LAMA3: variants seen among roughly 807,000 people sequenced by gnomAD.
The protein encoded by LAMA3 is laminin subunit alpha-3.
A neutral mutation model predicts 402.0 loss-of-function variants in LAMA3; 281 were observed. The ratio of observed to expected loss-of-function variants is 0.70; its 90% CI spans 0.63 to 0.77. LAMA3 has a LOEUF of 0.77. Among genes scored for constraint, LAMA3 ranks in the 30% least tolerant of loss-of-function variants. The probability of loss-of-function intolerance (pLI) is 0.00; values close to 1 mark genes in which losing one functional copy is unlikely to be tolerated. For synonymous variants in LAMA3, 1,431 were observed against 1,558.4 expected (o/e 0.92, Z 1.93); for missense variants, 3,840 against 4,215.5 (o/e 0.91, Z 2.47).
chr18:23,772,044 CTTTT>C (rs35056110), intron 8 of LAMA3, among the ~76,000 whole-genome samples: 10 of 141,200 alleles, frequency 7.1e-5, no homozygotes, highest in African/African-American at 2.6e-4. Context: ...TGATCGAAGT[CTTTT>C]TTTTTTTTTT....
At chr18:23,934,343 T>C (rs1378503491) in intron 67 of LAMA3, among the ~76,000 whole-genome samples, 1 of 152,164 alleles carries the variant, frequency 6.6e-6, no homozygotes, top group African/African-American at 2.4e-5. Context: ...TACCCTTGAC[T>C]ACAGACTAGA....
intron 18 of LAMA3, among the ~76,000 whole-genome samples, chr18:23,819,039 T>C (rs1453788654): frequency 2.6e-5 from 4 of 152,232 alleles, no homozygotes; most frequent in Non-Finnish European, 5.9e-5. Context: ...CTTTGTAAAT[T>C]GCTTCCAGAA....
At chr18:23,902,935 T>C (rs1599047671) in intron 48 of LAMA3, 74 bp from the exon 49 acceptor site, 1 of 839,234 alleles carries the variant, frequency 1.2e-6, no homozygotes, top group African/African-American at 1.7e-5. Context: ...GTATATGCTA[T>C]TGTCCCATAA....
Position 23,907,777 on chromosome 18 carries a change from G to C in LAMA3, c.6857G>C (p.Ser2286Thr), listed in dbSNP as rs868360212. The change falls in exon 54 of 75, where the codon AGT (serine) becomes ACT (threonine). Residue 2286 changes from serine to threonine, a missense_variant. This residue lies in a region of LAMA3 where 891 missense variants were observed against 857.5 expected (regional missense o/e 1.04). Coordinates refer to ENST00000313654, the MANE Select transcript of LAMA3 (RefSeq NM_198129.4). Reference protein sequence around the residue: ...IQRGDIDAMISSAKSMVRKAN... With the variant: ...IQRGDIDAMITSAKSMVRKAN... Reference sequence around the variant, plus strand: ...TTAGGTGATATTGATGCTATGATCAGTAGTGCAAAGAGCATGGTCAGAAAG... The same window carrying C: ...TTAGGTGATATTGATGCTATGATCACTAGTGCAAAGAGCATGGTCAGAAAG... 1 of 1,614,174 alleles carries C rather than the reference G, an allele frequency of 6.2e-7. No individual in the cohort carries two copies. The highest frequency in any genetic ancestry group is 1.6e-4 in the Middle Eastern group (1 of 6,062).
intron 41 of LAMA3, among the ~76,000 whole-genome samples, chr18:23,889,663 GA>G (rs1212483056): frequency 8.7e-6 from 1 of 114,534 alleles, no homozygotes; most frequent in African/African-American, 3.2e-5. Context: ...AGGGAGGAGG[GA>G]GGGGGGAGGG....
At position 23,901,252 on chromosome 18, in the gene LAMA3, G is replaced by A; in HGVS notation, c.6130G>A (p.Glu2044Lys). 2 of 1,614,120 alleles carry A rather than the reference G, an allele frequency of 1.2e-6. No individual in the cohort carries two copies. Among genetic ancestry groups the A allele is most frequent in the Non-Finnish European group, 1.7e-6 (2 of 1,180,000 alleles). ...CAGTGACCTTCGTGCTCGGCTGCAG[G>A]AGGCAGCTGCCCAAGCCAAGCAGGC... Reference protein sequence around the residue: ...KLSDLRARLQEAAAQAKQANG... With the variant: ...KLSDLRARLQKAAAQAKQANG... The change falls in exon 48 of 75, where the codon GAG becomes AAG. Residue 2044 changes from glutamate (E) to lysine (K), a missense_variant. Physicochemically the swap from Glu to Lys is moderately conservative, Grantham distance 56 (BLOSUM62 1). Transcript: ENST00000313654.
chr18:23,768,569 A>G (rs772810242), intron 8 of LAMA3, among the ~76,000 whole-genome samples: 5 of 152,254 alleles, frequency 3.3e-5, no homozygotes, highest in Non-Finnish European at 5.9e-5. Flanking sequence ...TTTAGCCACT[A>G]TGGAAAGCAG....
rs1422722010 is a variant in LAMA3, at chr18:23,949,831, A to T, written c.9418A>T (p.Thr3140Ser). 1 of 1,613,434 alleles carries T rather than the reference A, an allele frequency of 6.2e-7. No individual in the cohort carries two copies. Among genetic ancestry groups the T allele is most frequent in the Non-Finnish European group, 8.5e-7 (1 of 1,179,886 alleles). ...TCAGCTGGATTCAAAACCCTTGTAT[A>T]CCCCTTCTTCAAGCTTCGGGGTGTC... ...NFQLDSKPLYTPSSSFGVSSC... is the reference protein window; with the variant it reads ...NFQLDSKPLYSPSSSFGVSSC... Residue 3140 changes from threonine to serine, a missense_variant, in exon 71 of 75, where the codon ACC becomes TCC. Physicochemically the swap from Thr to Ser is moderately conservative, Grantham distance 58. Around this residue, in one of 3 missense-constraint regions of LAMA3, gnomAD observed 840 missense variants for 981.9 expected, o/e 0.86. Coordinates refer to ENST00000313654, the MANE Select transcript of LAMA3 (RefSeq NM_198129.4).
chr18:23,866,134 A>G (rs2064351103), intron 36 of LAMA3, among the ~76,000 whole-genome samples: 4 of 152,224 alleles, frequency 2.6e-5, no homozygotes, highest in Admixed American at 6.5e-5. Context: ...TCCACACACT[A>G]TGTGCCTGGC....
intron 2 of LAMA3, among the ~76,000 whole-genome samples, chr18:23,737,694 C>G (rs942946967): frequency 6.6e-6 from 1 of 152,222 alleles, no homozygotes; most frequent in African/African-American, 2.4e-5. Flanking sequence ...GGCAGGTTAC[C>G]GGCCCTGCCC....
intron 23 of LAMA3, among the ~76,000 whole-genome samples, chr18:23,829,867 T>C (rs113717699): frequency 7.9e-5 from 12 of 152,312 alleles, no homozygotes; most frequent in Admixed American, 3.3e-4. Flanking sequence ...AGTGAGAACA[T>C]GCAGTATTTG....
At chr18:23,759,348 A>G (rs1203772457) in intron 7 of LAMA3, among the ~76,000 whole-genome samples, 2 of 144,916 alleles carry the variant, frequency 1.4e-5, no homozygotes, top group East Asian at 2.0e-4. Flanking sequence ...AAAAAAAAAA[A>G]GAAGAAAGAC....
intron 21 of LAMA3, among the ~76,000 whole-genome samples, chr18:23,825,746 C>T (rs918239345): frequency 1.6e-4 from 25 of 152,006 alleles, no homozygotes; most frequent in Middle Eastern, 3.4e-3. Context: ...GTTGGACTCA[C>T]GGAAAGTAGA....
At chr18:23,925,530 C>CA (rs969202478) in intron 62 of LAMA3, among the ~76,000 whole-genome samples, 8 of 152,154 alleles carry the variant, frequency 5.3e-5, no homozygotes, top group South Asian at 2.1e-4. Context: ...TACCCAACAC[C>CA]AAGATTAGGG....
intron 56 of LAMA3, among the ~76,000 whole-genome samples, chr18:23,913,319 T>C (rs920685482): frequency 2.0e-5 from 3 of 152,186 alleles, no homozygotes; most frequent in Non-Finnish European, 4.4e-5. Context: ...TCCTCAAGCC[T>C]GTGGGATGGA....
intron 42 of LAMA3, among the ~76,000 whole-genome samples, chr18:23,892,906 A>C (rs1408523269): frequency 6.7e-6 from 1 of 149,434 alleles, no homozygotes; most frequent in African/African-American, 2.4e-5. Context: ...TCTGTCTCAA[A>C]AAAAAAAAAA....
At chr18:23,912,652 G>T in intron 55 of LAMA3, 59 bp from the exon 56 acceptor site, 1 of 1,440,518 alleles carries the variant, frequency 6.9e-7, no homozygotes, top group Non-Finnish European at 9.8e-7. Flanking sequence ...CTAGCTCTCT[G>T]AGCACACCTA....
chr18:23,752,341 G>T (rs753688713), intron 5 of LAMA3, among the ~76,000 whole-genome samples: 7 of 151,888 alleles, frequency 4.6e-5, no homozygotes, highest in Non-Finnish European at 1.0e-4. Context: ...TCTTTTTGGG[G>T]GTTGCAAGAT....
rs1386655168 is a variant in LAMA3, at chr18:23,858,733, A to G, written c.4326A>G (p.Ser1442=). The change falls in exon 34 of 75, where the codon TCA becomes TCG. Residue 1442 remains serine, a synonymous_variant. Transcript: ENST00000313654. ...GTECNVCREG[S]FHLDPANLKG... ...AGTGTAATGTGTGTCGAGAAGGCTCATTCCATTTGGACCCAGCCAATCTCA... is the reference window on the plus strand; with the variant it reads ...AGTGTAATGTGTGTCGAGAAGGCTCGTTCCATTTGGACCCAGCCAATCTCA... The G allele has an allele frequency of 6.2e-7, 1 of 1,613,960 alleles. No individual in the cohort carries two copies. Among genetic ancestry groups the G allele is most frequent in the Admixed American group, 1.7e-5 (1 of 60,006 alleles).
Sources: gnomAD v4.1 joint callset for allele counts (sites outside exome capture counted in the v4.1 genomes callset) on GRCh38, gnomAD v4.1.1 for gene constraint, gnomAD v4.1.1 regional missense constraint, MANE v1.5 for transcripts, NCBI Gene and HGNC (gene_info 2026-07-23, HGNC 2026-07-21) for gene names.